CAP2: variants seen among roughly 807,000 people sequenced by gnomAD.
The protein encoded by CAP2 is cyclase associated actin cytoskeleton regulatory protein 2.
CAP2 carries 24 observed loss-of-function variants against 57.7 expected under a neutral mutation model. The observed-to-expected ratio is 0.42, with a 90% confidence interval of 0.30 to 0.58. The LOEUF (loss-of-function observed/expected upper bound fraction) is 0.58. Ranked by LOEUF, CAP2 falls within the 20% of genes least tolerant of loss-of-function variation. The pLI, the probability that CAP2 is intolerant of heterozygous loss-of-function variation, is 0.22. For missense variants in CAP2, 501 were observed against 590.3 expected (o/e 0.85, Z 1.57); for synonymous variants, 194 against 207.2 (o/e 0.94, Z 0.55).
chr6:17,474,185 CTTTTTTTTTTTT>C (rs544909381), intron 4 of CAP2, among the ~76,000 whole-genome samples: 1 of 93,208 alleles, frequency 1.1e-5, no homozygotes, highest in Non-Finnish European at 2.0e-5. Context: ...AAAAAACAGT[CTTTTTTTTTTTT>C]TTTTTTTTTT....
At position 17,443,943 on chromosome 6, in the gene CAP2, G is replaced by A. The variant is rs181254090; in HGVS notation, c.222+17253G>A. 2.7e-3 allele frequency among the ~76,000 whole-genome samples: 414 copies of A among 152,290 alleles called. 3 individuals are homozygous for A. Among genetic ancestry groups the A allele is most frequent in the African/African-American group, 8.6e-3 (357 of 41,574 alleles). On this transcript the variant is annotated intron_variant, in intron 3 of 12. Transcript: ENST00000229922. ...TATAAGATGTTTTAGTGATGTAAAA[G>A]AGAACTCACATGTGTTTGCAATACA...
intron 3 of CAP2, among the ~76,000 whole-genome samples, chr6:17,456,333 G>A (rs1210375636): frequency 2.6e-5 from 4 of 152,194 alleles, no homozygotes; most frequent in African/African-American, 4.8e-5. Context: ...AACGGGGTTG[G>A]TGCTTATGTT....
At chr6:17,427,065 A>G (rs1486119063) in intron 3 of CAP2, among the ~76,000 whole-genome samples, 1 of 152,226 alleles carries the variant, frequency 6.6e-6, no homozygotes, top group Non-Finnish European at 1.5e-5. Flanking sequence ...TGCTGGAAAC[A>G]GGGCTATTGC....
chr6:17,401,934 T>C (rs947063223), intron 1 of CAP2, among the ~76,000 whole-genome samples: 1 of 152,222 alleles, frequency 6.6e-6, no homozygotes, highest in Non-Finnish European at 1.5e-5. Context: ...AAGTCTTCAG[T>C]AATTGAAAAT....
intron 2 of CAP2, among the ~76,000 whole-genome samples, 196 bp from the exon 3 acceptor site, chr6:17,426,394 C>A (rs906891447): frequency 1.3e-5 from 2 of 151,946 alleles, no homozygotes; most frequent in African/African-American, 2.4e-5. Flanking sequence ...TACCACCACA[C>A]CTGGCTAATT....
intron 4 of CAP2, among the ~76,000 whole-genome samples, chr6:17,468,254 A>G (rs560569263): frequency 3.1e-4 from 47 of 152,304 alleles, no homozygotes; most frequent in African/African-American, 1.1e-3. Flanking sequence ...CTGATTGACA[A>G]TGGTGACCCC....
intron 11 of CAP2, among the ~76,000 whole-genome samples, chr6:17,547,232 T>C (rs986365005): frequency 2.6e-5 from 4 of 152,204 alleles, no homozygotes; most frequent in Non-Finnish European, 4.4e-5. Context: ...AACAGTCTTA[T>C]ACCATTATGT....
chr6:17,457,259 A>G (rs977329675), intron 3 of CAP2, among the ~76,000 whole-genome samples: 12 of 152,338 alleles, frequency 7.9e-5, no homozygotes, highest in African/African-American at 2.9e-4. Context: ...CCCTGCACAC[A>G]TGTGATGGAC....
chr6:17,509,139 A>C (rs943664701), intron 6 of CAP2, among the ~76,000 whole-genome samples: 1 of 152,184 alleles, frequency 6.6e-6, no homozygotes, highest in African/African-American at 2.4e-5. Context: ...GACAAATTTT[A>C]TATGGAATAT....
At chr6:17,420,570 C>T (rs79751279) in intron 1 of CAP2, among the ~76,000 whole-genome samples, 1,549 of 152,270 alleles carry the variant, frequency 0.01, 26 homozygotes, top group African/African-American at 0.036. Flanking sequence ...TTAGTCTCCC[C>T]TGGAGAATTA....
At chr6:17,548,521 T>C (rs938961887) in intron 11 of CAP2, among the ~76,000 whole-genome samples, 4 of 152,092 alleles carry the variant, frequency 2.6e-5, no homozygotes, top group African/African-American at 9.7e-5. Flanking sequence ...GCAAGAGTGA[T>C]GTTGTAAGTA....
At chr6:17,542,714 A>G in intron 9 of CAP2, 123 bp from the exon 10 acceptor site, 1 of 773,270 alleles carries the variant, frequency 1.3e-6, no homozygotes, top group Non-Finnish European at 2.1e-6. Context: ...ATCTATAAGG[A>G]GATGGTTCCA....
At chr6:17,427,240 A>G (rs569816599) in intron 3 of CAP2, among the ~76,000 whole-genome samples, 2 of 152,232 alleles carry the variant, frequency 1.3e-5, no homozygotes, top group East Asian at 3.9e-4. Context: ...AAGGCCTGGG[A>G]AAAGATAAGG....
Position 17,470,797 on chromosome 6 carries a change from G to T in CAP2, c.300+7724G>T, listed in dbSNP as rs112469796. 2.4e-3 allele frequency among the ~76,000 whole-genome samples: 372 copies of T among 152,292 alleles called. 1 individual carries two copies. The highest frequency in any genetic ancestry group is 8.1e-3 in the African/African-American group (337 of 41,554). On this transcript the variant is annotated intron_variant, in intron 4 of 12. Transcript: ENST00000229922. ...GTGAGTCACTTGGTTTGGCTAAAAT[G>T]AGCTCTTTCTCTGTGGAAATGTATT...
intron 4 of CAP2, among the ~76,000 whole-genome samples, chr6:17,493,122 C>T (rs1049829627): frequency 3.3e-5 from 5 of 152,098 alleles, no homozygotes; most frequent in African/African-American, 9.7e-5. Context: ...ATTTTATTTC[C>T]GATTTACCCA....
At chr6:17,439,949 G>A (rs971560561) in intron 3 of CAP2, among the ~76,000 whole-genome samples, 5 of 151,626 alleles carry the variant, frequency 3.3e-5, no homozygotes, top group African/African-American at 7.3e-5. Flanking sequence ...TATGTTTCAT[G>A]TGTAATAGAG....
At chr6:17,409,200 C>G (rs994273512) in intron 1 of CAP2, among the ~76,000 whole-genome samples, 1 of 151,342 alleles carries the variant, frequency 6.6e-6, no homozygotes, top group Non-Finnish European at 1.5e-5. Flanking sequence ...GGTGAAACCC[C>G]ATCTCTACTA....
At chr6:17,468,467 C>G (rs58826194) in intron 4 of CAP2, among the ~76,000 whole-genome samples, 9,521 of 152,278 alleles carry the variant, frequency 0.063, 975 homozygotes, top group African/African-American at 0.21. Context: ...CTGTGGTCAT[C>G]ACCCACTGAA....
At chr6:17,483,531 A>C (rs1031542685) in intron 4 of CAP2, among the ~76,000 whole-genome samples, 1 of 152,228 alleles carries the variant, frequency 6.6e-6, no homozygotes, top group African/African-American at 2.4e-5. Context: ...GTGACGTCAA[A>C]GGACACAGTT....
Sources: gnomAD v4.1 joint callset for allele counts (sites outside exome capture counted in the v4.1 genomes callset) on GRCh38, gnomAD v4.1.1 for gene constraint, MANE v1.5 for transcripts, NCBI Gene and HGNC (gene_info 2026-07-23, HGNC 2026-07-21) for gene names.